Variants in ADAMTSL3 observed in about 807,000 individuals in gnomAD.
ADAMTSL3 encodes ADAMTS-like protein 3.
In ADAMTSL3, 128 loss-of-function variants were observed where a neutral mutation model predicts 201.7. The observed-to-expected ratio is 0.63, with a 90% CI of 0.55 to 0.73. The LOEUF (loss-of-function observed/expected upper bound fraction) is 0.73. ADAMTSL3 is among the 30% of genes least tolerant of loss of function. ADAMTSL3 has a pLI of 0.00. For missense variants in ADAMTSL3, 1,990 were observed against 2,119.6 expected (o/e 0.94, Z 1.20); for synonymous variants, 738 against 748.4 (o/e 0.99, Z 0.23).
chr15:83,930,707 G>T (rs2066339624), intron 17 of ADAMTSL3, among the ~76,000 whole-genome samples: 1 of 152,152 alleles, frequency 6.6e-6, no homozygotes, highest in Non-Finnish European at 1.5e-5. Context: ...TCATTTCAAA[G>T]TTGCAAATTT....
chr15:83,928,101 A>T (rs2066283592), intron 17 of ADAMTSL3, among the ~76,000 whole-genome samples: 1 of 151,874 alleles, frequency 6.6e-6, no homozygotes, highest in African/African-American at 2.4e-5. Flanking sequence ...TCAGCCTCCC[A>T]AGTTGCTGGG....
In ADAMTSL3 at chr15:83,714,795, C is replaced by CTT. The variant is rs1391950676; in HGVS notation, c.189+10288_189+10289insTT. On this transcript the variant is annotated intron_variant, in intron 3 of 29. Transcript: ENST00000286744. ...TCTTTCTTTCTTTCTTTTTCTTTCTCTCTCTTTCTTTCTTCTTTCTTTCTT... is the reference window on the plus strand; with the variant it reads ...TCTTTCTTTCTTTCTTTTTCTTTCTCTTTCTCTTTCTTTCTTCTTTCTTTCTT... Among the ~76,000 whole-genome samples the CTT allele has an allele frequency of 9.6e-4, 98 of 102,116 alleles. 5 individuals carry two copies. The highest frequency in any genetic ancestry group is 3.3e-3 in the East Asian group (13 of 3,942). 67.0% of individuals were successfully genotyped at this position (102,116 alleles called of 152,430 possible). A position where few individuals can be genotyped will look rare whatever the true frequency, so the allele number is the denominator to read the frequency against.
At chr15:83,871,194 T>G (rs1203575580) in intron 9 of ADAMTSL3, among the ~76,000 whole-genome samples, 1 of 152,220 alleles carries the variant, frequency 6.6e-6, no homozygotes, top group African/African-American at 2.4e-5. Context: ...GAAGGATTGA[T>G]TCTGTATTTA....
At chr15:83,781,273 A>G (rs941823590) in intron 4 of ADAMTSL3, among the ~76,000 whole-genome samples, 2 of 152,202 alleles carry the variant, frequency 1.3e-5, no homozygotes, top group African/African-American at 4.8e-5. Flanking sequence ...CACATAGACT[A>G]ATGGAACAAA....
chr15:83,697,439 C>T (rs558800016), intron 2 of ADAMTSL3, among the ~76,000 whole-genome samples: 1 of 152,136 alleles, frequency 6.6e-6, no homozygotes, highest in Non-Finnish European at 1.5e-5. Flanking sequence ...GACTGCCCTT[C>T]ACACGCCAAT....
chr15:83,695,937 T>G (rs756320477), intron 2 of ADAMTSL3, among the ~76,000 whole-genome samples: 76 of 152,016 alleles, frequency 5.0e-4, no homozygotes, highest in Non-Finnish European at 9.1e-4. Context: ...AAGAAAAATG[T>G]GTTGGGTGCA....
intron 4 of ADAMTSL3, among the ~76,000 whole-genome samples, chr15:83,787,133 T>G (rs1434753595): frequency 6.6e-6 from 1 of 152,226 alleles, no homozygotes; most frequent in Admixed American, 6.5e-5. Flanking sequence ...TTCTTCCTTT[T>G]GCATTCATTG....
intron 5 of ADAMTSL3, among the ~76,000 whole-genome samples, chr15:83,807,655 C>G (rs1241627589): frequency 1.3e-5 from 2 of 152,130 alleles, no homozygotes; most frequent in Non-Finnish European, 2.9e-5. Flanking sequence ...CAAAAAGACT[C>G]TGAACACCCA....
intron 4 of ADAMTSL3, among the ~76,000 whole-genome samples, chr15:83,799,742 A>T (rs1270585097): frequency 6.6e-6 from 1 of 152,212 alleles, no homozygotes; most frequent in Admixed American, 6.5e-5. Flanking sequence ...GTTGTAATGG[A>T]TAGAAAATAC....
rs117093355 is a variant in ADAMTSL3 at position 83,885,232 on chromosome 15, C to A, written c.1072+20C>A. The A allele has an allele frequency of 6.4e-7, 1 of 1,558,484 alleles. No homozygotes were observed. Among genetic ancestry groups the A allele is most frequent in the Non-Finnish European group, 8.8e-7 (1 of 1,130,678 alleles). On this transcript the variant is annotated intron_variant, in intron 10 of 29. Coordinates refer to ENST00000286744, the MANE Select transcript of ADAMTSL3 (RefSeq NM_207517.3). The stretch of plus-strand genomic sequence containing the variant: ...GAGGAGGTGAGGCCCAGGCTTTGTT[C>A]ATGAATATTTAGAGCTCAGAGTTAG...
intron 4 of ADAMTSL3, among the ~76,000 whole-genome samples, chr15:83,801,650 A>AT (rs1491318949): frequency 0.024 from 678 of 28,598 alleles, 8 homozygotes; most frequent in Non-Finnish European, 0.033. Context: ...ATATAAATAT[A>AT]AATATATATA....
At position 84,021,482 on chromosome 15, in the gene ADAMTSL3, GA is replaced by G. The variant is rs2068204110; in HGVS notation, c.4347del (p.Arg1449SerfsTer5). On this transcript the variant is annotated frameshift_variant, in exon 26 of 30. Coordinates refer to ENST00000286744, the MANE Select transcript of ADAMTSL3 (RefSeq NM_207517.3). LOFTEE classifies it high-confidence loss of function. ...GGTCATTTGGGAGCCCGCATTCAGAGACCCCAGTGTGTGATGGCCAATGGGC... is the reference window on the plus strand; with the variant it reads ...GGTCATTTGGGAGCCCGCATTCAGAGCCCCAGTGTGTGATGGCCAATGGGC... Reference protein sequence around the residue: ...TCGHLGARIQRPQCVMANGQE... With the variant: ...TCGHLGARIQXPQCVMANGQE... 6 of 1,614,040 alleles carry G rather than the reference GA, an allele frequency of 3.7e-6. No homozygotes were observed. The highest frequency in any genetic ancestry group is 5.1e-6 in the Non-Finnish European group (6 of 1,180,038).
intron 19 of ADAMTSL3, among the ~76,000 whole-genome samples, chr15:83,953,382 ACACATTGTGT>A (rs1372693994): frequency 1.4e-5 from 2 of 146,276 alleles, no homozygotes; most frequent in African/African-American, 4.9e-5. Flanking sequence ...TGACAACTTA[ACACATTGTGT>A]AAACAAACAC....
At chr15:84,000,794 A>T (rs1450132949) in intron 23 of ADAMTSL3, among the ~76,000 whole-genome samples, 1 of 152,154 alleles carries the variant, frequency 6.6e-6, no homozygotes, top group East Asian at 1.9e-4. Context: ...ACATGAAAGC[A>T]CCCTGCTTAC....
chr15:83,878,836 A>G (rs573895592), intron 9 of ADAMTSL3, among the ~76,000 whole-genome samples: 1 of 152,230 alleles, frequency 6.6e-6, no homozygotes, highest in East Asian at 1.9e-4. Flanking sequence ...AAACAAGTTT[A>G]GAAGTGTTTC....
chr15:84,034,677 C>G (rs1419160778), intron 28 of ADAMTSL3, among the ~76,000 whole-genome samples: 1 of 152,172 alleles, frequency 6.6e-6, no homozygotes, highest in East Asian at 1.9e-4. Flanking sequence ...ATGAGATTGC[C>G]TGGCCATCTA....
At chr15:83,770,485 A>G (rs1333572986) in intron 3 of ADAMTSL3, among the ~76,000 whole-genome samples, 1 of 152,348 alleles carries the variant, frequency 6.6e-6, no homozygotes, top group East Asian at 1.9e-4. Flanking sequence ...CATTTTGCGT[A>G]TATACGCCTA....
chr15:83,813,972 A>G (rs573028883), intron 5 of ADAMTSL3, among the ~76,000 whole-genome samples: 2 of 152,298 alleles, frequency 1.3e-5, no homozygotes, highest in South Asian at 4.2e-4. Flanking sequence ...GGAAGAGGCA[A>G]AGGGAAAATA....
intron 5 of ADAMTSL3, among the ~76,000 whole-genome samples, chr15:83,819,394 A>G (rs2141907149): frequency 6.6e-6 from 1 of 152,286 alleles, no homozygotes; most frequent in South Asian, 2.1e-4. Flanking sequence ...ATTTTGATGA[A>G]GACCTTGAAT....
Sources: gnomAD v4.1 joint callset for allele counts (sites outside exome capture counted in the v4.1 genomes callset) on GRCh38, gnomAD v4.1.1 for gene constraint, MANE v1.5 for transcripts, NCBI Gene and HGNC (gene_info 2026-07-23, HGNC 2026-07-21) for gene names.